WDR33: variants seen among roughly 807,000 people sequenced by gnomAD.
The protein encoded by WDR33 is WD repeat domain 33.
Under a neutral mutation model 164.9 loss-of-function variants are expected in WDR33, and 47 were observed. That is an observed-to-expected ratio of 0.29 (90% CI 0.23 to 0.36). The LOEUF (loss-of-function observed/expected upper bound fraction) is 0.36, where lower values mean the gene tolerates loss of function less well. Ranked by LOEUF, WDR33 falls within the 10% of genes least tolerant of loss-of-function variation. The pLI is 1.00. For missense variants in WDR33, 1,137 were observed against 1,754.1 expected, an observed-to-expected ratio of 0.65 and a Z score of 6.28; for synonymous variants, 505 against 589.0, an observed-to-expected ratio of 0.86 and a Z score of 2.06.
intron 7 of WDR33, among the ~76,000 whole-genome samples, chr2:127,756,129 T>C (rs868158232): frequency 6.6e-6 from 1 of 151,868 alleles, no homozygotes; most frequent in African/African-American, 2.4e-5. Flanking sequence ...AGGTCAGGAG[T>C]TCGAGACCAG....
chr2:127,774,824 C>A (rs915989625), intron 1 of WDR33, among the ~76,000 whole-genome samples: 1 of 149,410 alleles, frequency 6.7e-6, no homozygotes, highest in African/African-American at 2.5e-5. Context: ...AGTGAGACTC[C>A]GTCTCAAAAA....
At chr2:127,739,770 T>C (rs1012381816) in intron 7 of WDR33, among the ~76,000 whole-genome samples, 2 of 152,216 alleles carry the variant, frequency 1.3e-5, no homozygotes, top group African/African-American at 4.8e-5. Context: ...TATTTCCATA[T>C]AGACTTAGTT....
chr2:127,799,741 G>A (rs766904965), intron 1 of WDR33, among the ~76,000 whole-genome samples: 5 of 152,272 alleles, frequency 3.3e-5, no homozygotes, highest in East Asian at 3.9e-4. Context: ...ACAAAACCAC[G>A]ATGAGCACCA....
At chr2:127,734,080 A>G (rs1686778597) in intron 7 of WDR33, among the ~76,000 whole-genome samples, 1 of 152,234 alleles carries the variant, frequency 6.6e-6, no homozygotes, top group Non-Finnish European at 1.5e-5. Flanking sequence ...GAGCTTGTAT[A>G]TGACAACTTC....
intron 1 of WDR33, among the ~76,000 whole-genome samples, chr2:127,783,732 G>A (rs1010098383): frequency 1.3e-5 from 2 of 150,420 alleles, no homozygotes; most frequent in South Asian, 2.1e-4. Context: ...AGTCTCCCGA[G>A]TAGATGAGAT....
At position 127,714,714 on chromosome 2, in the gene WDR33, G is replaced by A. The variant is rs1157812974; in HGVS notation, c.2870-693C>T. ...AGTTTTCTAAAATATGTGAAAATAT[G>A]TACTGTAATGAAAGTACTGAATAAA... On this transcript the variant is annotated intron_variant, in intron 17 of 21. Coordinates refer to ENST00000322313, the MANE Select transcript of WDR33 (RefSeq NM_018383.5). The surrounding 1 kb of genome is among the most constrained non-coding windows in gnomAD (Gnocchi z 4.3). Among the ~76,000 whole-genome samples the A allele has an allele frequency of 1.3e-5, 2 of 152,184 alleles. No individual in the cohort carries two copies. The highest frequency in any genetic ancestry group is 2.9e-5 in the Non-Finnish European group (2 of 68,042).
Position 127,708,704 on chromosome 2 carries a change from C to T in WDR33, c.3754G>A (p.Gly1252Ser). ...TTGCCTCCTCGGTCTTCAGAAGGGCCTCCTGGGGCCTCCATCTCTCTGTGC... is the reference window on the plus strand; with the variant it reads ...TTGCCTCCTCGGTCTTCAGAAGGGCTTCCTGGGGCCTCCATCTCTCTGTGC... ...SEHREMEAPGGPSEDRGGKGR... is the reference protein window; with the variant it reads ...SEHREMEAPGSPSEDRGGKGR... The change falls in exon 21 of 22, where the codon GGC becomes AGC. Residue 1252 changes from glycine to serine, a missense_variant. Physicochemically the swap from Gly to Ser is moderately conservative, Grantham distance 56 (BLOSUM62 0). Coordinates refer to ENST00000322313, the MANE Select transcript of WDR33 (RefSeq NM_018383.5). This position sits in a 1 kb window ranked among gnomAD's most constrained non-coding sequence, Gnocchi z 6.7. 1 of 1,610,870 alleles carries T rather than the reference C, an allele frequency of 6.2e-7. No individual in the cohort carries two copies. The highest frequency in any genetic ancestry group is 8.5e-7 in the Non-Finnish European group (1 of 1,177,942).
intron 7 of WDR33, among the ~76,000 whole-genome samples, chr2:127,755,721 C>T (rs973466896): frequency 6.6e-6 from 1 of 152,126 alleles, no homozygotes; most frequent in Non-Finnish European, 1.5e-5. Context: ...GTTATCTGGC[C>T]TGATGGGATT....
intron 1 of WDR33, among the ~76,000 whole-genome samples, chr2:127,776,996 C>T (rs111716074): frequency 6.6e-6 from 1 of 152,254 alleles, no homozygotes; most frequent in African/African-American, 2.4e-5. Flanking sequence ...ACTTAGTCCC[C>T]AAAACATACT....
chr2:127,726,663 C>T lies in WDR33; in HGVS notation c.839G>A (p.Ser280Asn), dbSNP rs1686579850. ...IKFWDPKTGQ[S>N]LATLHAHKNT... The stretch of plus-strand genomic sequence containing the variant: ...TCCTGTCACTTACAGTGTTGCAAGA[C>T]TCTGCCCAGTCTTGGGATCCCAGAA... Residue 280 changes from serine (S) to asparagine (N), a missense_variant, in exon 8 of 22, where the codon AGT becomes AAT. Ser to Asn is a conservative substitution (Grantham distance 46). This residue lies in a region of WDR33 where 83 missense variants were observed against 189.2 expected (regional missense o/e 0.44). Coordinates refer to ENST00000322313, the MANE Select transcript of WDR33 (RefSeq NM_018383.5). This position sits in a 1 kb window ranked among gnomAD's most constrained non-coding sequence, Gnocchi z 4.8. 1 of 1,614,156 alleles carries T rather than the reference C, an allele frequency of 6.2e-7. No individual in the cohort carries two copies. The highest frequency in any genetic ancestry group is 8.5e-7 in the Non-Finnish European group (1 of 1,180,012).
chr2:127,781,486 A>ATCT (rs1688366593), intron 1 of WDR33, among the ~76,000 whole-genome samples: 1 of 152,184 alleles, frequency 6.6e-6, no homozygotes, highest in Non-Finnish European at 1.5e-5. Context: ...TCTAAATAAG[A>ATCT]TCTGCAGACC....
chr2:127,794,162 C>T (rs1284494784), intron 1 of WDR33, among the ~76,000 whole-genome samples: 2 of 145,674 alleles, frequency 1.4e-5, no homozygotes, highest in Non-Finnish European at 3.0e-5. Flanking sequence ...GACAGACAGA[C>T]AGAAAGACAG....
chr2:127,701,602 CGCTGCTCGCCGCGGAGAA>C lies in WDR33; in HGVS notation c.*4703_*4720del. 7.4e-7 allele frequency: 1 copy of C among 1,347,536 alleles called. No homozygotes were observed. Among genetic ancestry groups the C allele is most frequent in the Non-Finnish European group, 9.5e-7 (1 of 1,051,494 alleles). The allele number at this position is 1,347,536 out of a possible 1,614,324, so 83.5% of individuals were successfully genotyped here. ...GCTGGCGGCCCGGCGGCCGCGGAGC[CGCTGCTCGCCGCGGAGAA>C]GGCGGAGGAGCCCGGGGACCGGCCG... On this transcript the variant is annotated 3_prime_UTR_variant, in exon 22 of 22. Transcript: ENST00000322313.
At position 127,706,559 on chromosome 2, in the gene WDR33, CAA is replaced by C. The variant is rs1465164980; in HGVS notation, c.3782-9_3782-8del. On this transcript the variant is annotated splice_region_variant and splice_polypyrimidine_tract_variant and intron_variant, in intron 21 of 21. Coordinates refer to ENST00000322313, the MANE Select transcript of WDR33 (RefSeq NM_018383.5). This position sits in a 1 kb window ranked among gnomAD's most constrained non-coding sequence, Gnocchi z 5.1. The stretch of plus-strand genomic sequence containing the variant: ...GGTCCTGGGCCCCCTCGGCCTGAAA[CAA>C]AGAAAATTTCACATGGGACTTTTTG... 6.3e-7 allele frequency: 1 copy of C among 1,585,116 alleles called. No homozygotes were observed. Among genetic ancestry groups the C allele is most frequent in the East Asian group, 2.2e-5 (1 of 44,448 alleles).
In WDR33 at chr2:127,726,530, T is replaced by G; in HGVS notation, c.851+121A>C. The G allele has an allele frequency of 7.6e-7, 1 of 1,308,486 alleles. No homozygotes were observed. The highest frequency in any genetic ancestry group is 1.5e-5 in the South Asian group (1 of 66,666). 81.1% of individuals were successfully genotyped at this position (1,308,486 alleles called of 1,614,324 possible). A position where few individuals can be genotyped will look rare whatever the true frequency, so the allele number is the denominator to read the frequency against. On this transcript the variant is annotated intron_variant, in intron 8 of 21. Coordinates refer to ENST00000322313, the MANE Select transcript of WDR33 (RefSeq NM_018383.5). The surrounding 1 kb of genome is among the most constrained non-coding windows in gnomAD (Gnocchi z 4.8). ...TTCATAAGAAGTCTATAGATCCAAG[T>G]CCATCTGTTGCCTAAATGACTCTTC...
intron 7 of WDR33, among the ~76,000 whole-genome samples, chr2:127,751,603 T>C (rs1687365946): frequency 6.6e-6 from 1 of 151,808 alleles, no homozygotes. Context: ...AAGATACAAA[T>C]GGAATAATTT....
chr2:127,723,429 AAACAC>A lies in WDR33; in HGVS notation c.1197-87_1197-83del, dbSNP rs1686488391. On this transcript the variant is annotated intron_variant, in intron 11 of 21. Coordinates refer to ENST00000322313, the MANE Select transcript of WDR33 (RefSeq NM_018383.5). This position sits in a 1 kb window ranked among gnomAD's most constrained non-coding sequence, Gnocchi z 5.9. ...AAACAGTACTAGGCAGACCCTTGGT[AAACAC>A]AACACATTTTTACAATTTGTTTCTT... is the stretch of plus-strand genomic sequence containing the variant. The A allele has an allele frequency of 6.6e-6, 7 of 1,057,956 alleles. No individual in the cohort carries two copies. The highest frequency in any genetic ancestry group is 9.9e-6 in the Non-Finnish European group (7 of 704,882). 65.5% of individuals were successfully genotyped at this position (1,057,956 alleles called of 1,614,324 possible). A position where few individuals can be genotyped will look rare whatever the true frequency, so the allele number is the denominator to read the frequency against.
At chr2:127,802,695 C>T (rs540983714) in intron 1 of WDR33, among the ~76,000 whole-genome samples, 1 of 152,160 alleles carries the variant, frequency 6.6e-6, no homozygotes, top group Non-Finnish European at 1.5e-5. Flanking sequence ...AACTAAATTA[C>T]GTCTGGGTGC....
chr2:127,788,095 C>T (rs1688665719), intron 1 of WDR33, among the ~76,000 whole-genome samples: 2 of 93,712 alleles, frequency 2.1e-5, no homozygotes, highest in Non-Finnish European at 2.1e-5. Flanking sequence ...CCCTCCCGGA[C>T]GGGGCGGCTG....
Sources: gnomAD v4.1 joint callset for allele counts (sites outside exome capture counted in the v4.1 genomes callset) on GRCh38, gnomAD v4.1.1 for gene constraint, gnomAD v4.1.1 regional missense constraint, Gnocchi (gnomAD v3.1) non-coding constraint, MANE v1.5 for transcripts, NCBI Gene and HGNC (gene_info 2026-07-23, HGNC 2026-07-21) for gene names.